The following NAV3 variants were observed in gnomAD, a reference collection of about 807,000 sequenced individuals.
NAV3 encodes the protein neuron navigator 3, also known as pore membrane and/or filament interacting like protein 1.
In NAV3, 87 loss-of-function variants were observed where a neutral mutation model predicts 244.7. The ratio of observed to expected loss-of-function variants is 0.36; its 90% CI spans 0.30 to 0.42. The LOEUF is 0.42. Ranked by LOEUF, NAV3 falls within the 20% of genes least tolerant of loss-of-function variation. The pLI, the probability that NAV3 is intolerant of heterozygous loss-of-function variation, is 1.00. For synonymous variants in NAV3, 1,126 were observed against 1,042.2 expected (o/e 1.08, Z -1.55); for missense variants, 2,663 against 2,893.3 (o/e 0.92, Z 1.83).
chr12:78,146,656 C>T (rs1956876097), intron 21 of NAV3, among the ~76,000 whole-genome samples: 2 of 152,074 alleles, frequency 1.3e-5, no homozygotes, highest in Non-Finnish European at 2.9e-5. Flanking sequence ...ATAGTAAGCA[C>T]TCATTAAGTC....
At chr12:78,055,823 T>C (rs1462516874) in intron 11 of NAV3, among the ~76,000 whole-genome samples, 4 of 152,218 alleles carry the variant, frequency 2.6e-5, no homozygotes, top group South Asian at 2.1e-4. Flanking sequence ...GGTTCAGCTG[T>C]GTGCCCAGGA....
intron 2 of NAV3, among the ~76,000 whole-genome samples, chr12:77,802,809 C>A (rs1246783902): frequency 6.6e-6 from 1 of 152,036 alleles, no homozygotes; most frequent in African/African-American, 2.4e-5. Flanking sequence ...ACTACAGGTG[C>A]CCACCACCAT....
At chr12:77,883,204 A>G (rs1882877548) in intron 1 of NAV3, among the ~76,000 whole-genome samples, 1 of 152,180 alleles carries the variant, frequency 6.6e-6, no homozygotes. Context: ...CAGAATGTCC[A>G]TAAACAGTGG....
chr12:77,820,075 T>C (rs1429022879), intron 2 of NAV3, among the ~76,000 whole-genome samples: 1 of 132,728 alleles, frequency 7.5e-6, no homozygotes, highest in African/African-American at 2.6e-5. Flanking sequence ...GAGAATAAAA[T>C]GTCAATAAAT....
chr12:78,123,857 G>A (rs147256119), intron 16 of NAV3, among the ~76,000 whole-genome samples: 137 of 152,088 alleles, frequency 9.0e-4, no homozygotes, highest in Non-Finnish European at 1.2e-3. Context: ...CTAAAATGTC[G>A]GGCTTCCTGT....
At chr12:78,055,647 A>G (rs1050105147) in intron 11 of NAV3, among the ~76,000 whole-genome samples, 4 of 152,158 alleles carry the variant, frequency 2.6e-5, no homozygotes, top group Admixed American at 6.5e-5. Flanking sequence ...GTGTTACCCT[A>G]GGCATTGATA....
At chr12:77,997,671 T>C (rs12816178) in intron 6 of NAV3, among the ~76,000 whole-genome samples, 1 of 152,258 alleles carries the variant, frequency 6.6e-6, no homozygotes, top group South Asian at 2.1e-4. Flanking sequence ...CTGTGATCAG[T>C]TGGCCAAACT....
intron 2 of NAV3, among the ~76,000 whole-genome samples, chr12:77,707,804 G>C (rs1010447939): frequency 6.6e-6 from 1 of 152,128 alleles, no homozygotes; most frequent in African/African-American, 2.4e-5. Flanking sequence ...GCATTTCTCC[G>C]ATGGCCAGTG....
At chr12:77,870,104 C>T (rs1880712601) in intron 1 of NAV3, among the ~76,000 whole-genome samples, 1 of 152,120 alleles carries the variant, frequency 6.6e-6, no homozygotes, top group Non-Finnish European at 1.5e-5. Context: ...CGGTGGCTCA[C>T]TCCTGTAATC....
intron 1 of NAV3, among the ~76,000 whole-genome samples, chr12:77,841,381 A>G (rs1020761757): frequency 5.9e-5 from 9 of 152,292 alleles, no homozygotes; most frequent in Admixed American, 4.6e-4. Context: ...CAGGTTCAAA[A>G]TTTTTCATAA....
chr12:77,875,107 T>C (rs532515543), intron 1 of NAV3, among the ~76,000 whole-genome samples: 12 of 152,272 alleles, frequency 7.9e-5, no homozygotes, highest in African/African-American at 2.6e-4. Context: ...TACTTGCTTT[T>C]ATGCAAAAGA....
chr12:78,191,538 CT>C (rs1218993388), intron 34 of NAV3, among the ~76,000 whole-genome samples: 1 of 152,104 alleles, frequency 6.6e-6, no homozygotes, highest in East Asian at 1.9e-4. Flanking sequence ...AATGGGATCT[CT>C]TAAAGTTAAA....
intron 7 of NAV3, among the ~76,000 whole-genome samples, chr12:78,006,018 C>T (rs1874149790): frequency 6.6e-6 from 1 of 152,032 alleles, no homozygotes; most frequent in African/African-American, 2.4e-5. Flanking sequence ...AAGCATTATA[C>T]AACATATTTT....
At position 78,210,381 on chromosome 12, in the gene NAV3, C is replaced by CTT; in HGVS notation, c.7039-12_7039-11dup. ...AATGCATCATTGCCTACATCGATGT[C>CTT]TTTTTTCTTTCTTCAGATGAATATG... On this transcript the variant is annotated splice_polypyrimidine_tract_variant and intron_variant, in intron 39 of 39. Coordinates refer to ENST00000397909, the MANE Select transcript of NAV3 (RefSeq NM_001024383.2). 3.1e-6 allele frequency: 5 copies of CTT among 1,613,184 alleles called. No homozygotes were observed. The highest frequency in any genetic ancestry group is 1.3e-5 in the African/African-American group (1 of 74,996).
intron 2 of NAV3, among the ~76,000 whole-genome samples, chr12:77,650,597 C>G (rs1393531060): frequency 3.3e-5 from 5 of 152,016 alleles, no homozygotes; most frequent in Non-Finnish European, 4.4e-5. Flanking sequence ...AACCATTATA[C>G]TATTTCTATA....
intron 1 of NAV3, among the ~76,000 whole-genome samples, chr12:77,912,569 T>C (rs1409029042): frequency 6.6e-6 from 1 of 152,114 alleles, no homozygotes; most frequent in Non-Finnish European, 1.5e-5. Flanking sequence ...TCTCTACTTT[T>C]AAAACATACT....
At chr12:77,778,516 G>T (rs1038744322) in intron 2 of NAV3, among the ~76,000 whole-genome samples, 2 of 151,272 alleles carry the variant, frequency 1.3e-5, no homozygotes, top group East Asian at 2.0e-4. Context: ...GGAGGCTGAG[G>T]CAGGAGAATG....
chr12:77,600,933 G>A (rs1870401645), intron 2 of NAV3, among the ~76,000 whole-genome samples: 1 of 151,860 alleles, frequency 6.6e-6, no homozygotes. Context: ...TAATTAGTTG[G>A]TTTTAGAAAT....
chr12:77,964,698 A>G (rs1222311595), intron 3 of NAV3, among the ~76,000 whole-genome samples: 1 of 152,202 alleles, frequency 6.6e-6, no homozygotes, highest in Non-Finnish European at 1.5e-5. Context: ...GATCTGCAGA[A>G]CAATAAGATT....
Sources: gnomAD v4.1 joint callset for allele counts (sites outside exome capture counted in the v4.1 genomes callset) on GRCh38, gnomAD v4.1.1 for gene constraint, MANE v1.5 for transcripts, NCBI Gene and HGNC (gene_info 2026-07-23, HGNC 2026-07-21) for gene names.